Variants in TACR1 observed in about 807,000 individuals in gnomAD.
TACR1 encodes tachykinin receptor 1, also known as substance-P receptor.
TACR1 carries 25 observed loss-of-function variants against 35.8 expected under a neutral mutation model. That is an observed-to-expected ratio of 0.70 (90% CI 0.51 to 0.98). The LOEUF (loss-of-function observed/expected upper bound fraction) is 0.98. TACR1 is among the 50% of genes least tolerant of loss of function. The pLI is 0.00. For synonymous variants in TACR1, 195 were observed against 206.7 expected (o/e 0.94, Z 0.48); for missense variants, 478 against 522.9 (o/e 0.91, Z 0.84).
intron 2 of TACR1, among the ~76,000 whole-genome samples, chr2:75,058,956 T>A (rs1165819829): frequency 5.9e-5 from 9 of 152,218 alleles, no homozygotes; most frequent in African/African-American, 2.2e-4. Flanking sequence ...ATAATGTACT[T>A]GGAGGAGACT....
chr2:75,119,321 C>T (rs528973712), intron 2 of TACR1, among the ~76,000 whole-genome samples: 1 of 152,322 alleles, frequency 6.6e-6, no homozygotes, highest in African/African-American at 2.4e-5. Flanking sequence ...TATTATCTCT[C>T]ATTTTAATAA....
chr2:75,114,424 G>T (rs918697382), intron 2 of TACR1, among the ~76,000 whole-genome samples: 1 of 152,024 alleles, frequency 6.6e-6, no homozygotes, highest in Non-Finnish European at 1.5e-5. Flanking sequence ...GGCCTTGATT[G>T]TGGGTTCTCT....
chr2:75,069,656 G>A (rs1672836116), intron 2 of TACR1, among the ~76,000 whole-genome samples: 1 of 152,148 alleles, frequency 6.6e-6, no homozygotes, highest in Admixed American at 6.5e-5. Flanking sequence ...CAGTTTCTCA[G>A]ACTTTCCTTG....
Position 75,120,595 on chromosome 2 carries a change from G to C in TACR1, c.563C>G (p.Pro188Arg). 1 of 1,604,308 alleles carries C rather than the reference G, an allele frequency of 6.2e-7. No homozygotes were observed. The highest frequency in any genetic ancestry group is 8.5e-7 in the Non-Finnish European group (1 of 1,174,160). ...VVCMIEWPEHPNKIYEKVYHI... is the reference protein window; with the variant it reads ...VVCMIEWPEHRNKIYEKVYHI... ...TCACACTTTCTCATAAATCTTGTTC[G>C]GATGCTCTGGCCATTCGATCATGCA... The change falls in exon 2 of 5, where the codon CCG becomes CGG. Residue 188 changes from proline (P) to arginine (R), a missense_variant. By Grantham distance (103) the Pro-to-Arg change is moderately radical (BLOSUM62 -2). Coordinates refer to ENST00000305249, the MANE Select transcript of TACR1 (RefSeq NM_001058.4).
intron 2 of TACR1, among the ~76,000 whole-genome samples, chr2:75,059,823 T>G (rs1375561569): frequency 1.3e-5 from 2 of 152,184 alleles, no homozygotes; most frequent in Admixed American, 6.5e-5. Flanking sequence ...TTCCTCCTGC[T>G]CTTCCTCAAA....
intron 1 of TACR1, among the ~76,000 whole-genome samples, chr2:75,171,217 T>C (rs1235949659): frequency 2.0e-5 from 3 of 152,212 alleles, no homozygotes; most frequent in Admixed American, 6.5e-5. Flanking sequence ...CAGCTGTGGC[T>C]AAAAGGGGCC....
intron 2 of TACR1, among the ~76,000 whole-genome samples, chr2:75,085,219 G>T (rs951448762): frequency 6.6e-6 from 1 of 152,078 alleles, no homozygotes; most frequent in Admixed American, 6.6e-5. Context: ...AAGTTTGCCT[G>T]TCAGAAGCTG....
intron 2 of TACR1, among the ~76,000 whole-genome samples, chr2:75,107,275 A>G (rs1179360647): frequency 6.6e-6 from 1 of 152,016 alleles, no homozygotes; most frequent in Non-Finnish European, 1.5e-5. Context: ...GACAATTACA[A>G]TGAAAGATTT....
At chr2:75,126,230 T>C (rs1191849903) in intron 1 of TACR1, among the ~76,000 whole-genome samples, 2 of 152,148 alleles carry the variant, frequency 1.3e-5, no homozygotes, top group African/African-American at 4.8e-5. Context: ...ACTCCATTCA[T>C]GTTCCCGTAA....
Position 75,198,776 on chromosome 2 carries a change from C to T in TACR1, c.159G>A (p.Val53=), listed in dbSNP as rs762281386. Residue 53 remains valine (V), a synonymous_variant, in exon 1 of 5, where the codon GTG becomes GTA. Coordinates refer to ENST00000305249, the MANE Select transcript of TACR1 (RefSeq NM_001058.4). ...TTTTGTGGGCTAAGATGATCCACAT[C>T]ACTACCACGTTGCCCACCACAGAGG... is the stretch of plus-strand genomic sequence containing the variant. ...VVTSVVGNVV[V]MWIILAHKRM... is the part of the protein sequence containing the mutation. The T allele has an allele frequency of 5.6e-6, 9 of 1,614,082 alleles. 1 individual carries two copies. In the South Asian group the frequency reaches 6.6e-5, roughly 12 times the overall value.
intron 1 of TACR1, among the ~76,000 whole-genome samples, chr2:75,133,158 A>G (rs1422486676): frequency 6.6e-6 from 1 of 152,184 alleles, no homozygotes; most frequent in Admixed American, 6.5e-5. Context: ...AGTATGTAGA[A>G]TTCCTGCCAT....
chr2:75,070,253 A>T (rs28516941), intron 2 of TACR1, among the ~76,000 whole-genome samples: 1 of 90,670 alleles, frequency 1.1e-5, no homozygotes, highest in South Asian at 3.9e-4. Context: ...GTGTGTGTGT[A>T]TGTGTGTGTG....
At chr2:75,178,326 A>C (rs577998771) in intron 1 of TACR1, among the ~76,000 whole-genome samples, 1 of 151,962 alleles carries the variant, frequency 6.6e-6, no homozygotes. Context: ...CTGGGATTGC[A>C]GGCACCCTCC....
At chr2:75,127,862 A>C (rs1674103854) in intron 1 of TACR1, among the ~76,000 whole-genome samples, 1 of 152,204 alleles carries the variant, frequency 6.6e-6, no homozygotes, top group African/African-American at 2.4e-5. Context: ...ATCAGAACCC[A>C]TCTCTTTCAG....
At chr2:75,137,874 C>G (rs1458203152) in intron 1 of TACR1, among the ~76,000 whole-genome samples, 1 of 151,284 alleles carries the variant, frequency 6.6e-6, no homozygotes, top group Admixed American at 6.6e-5. Context: ...TCTCTATACT[C>G]TTAGATCTTT....
intron 1 of TACR1, among the ~76,000 whole-genome samples, chr2:75,130,408 G>A (rs924185885): frequency 6.6e-6 from 1 of 152,214 alleles, no homozygotes; most frequent in Non-Finnish European, 1.5e-5. Context: ...GCCCCTAACA[G>A]TTTAAGTAAC....
intron 1 of TACR1, among the ~76,000 whole-genome samples, chr2:75,184,561 T>G (rs1300890734): frequency 6.6e-6 from 1 of 151,734 alleles, no homozygotes. Context: ...GAACTTCAAC[T>G]GAATTACAGG....
At chr2:75,093,408 A>G (rs1269478335) in intron 2 of TACR1, among the ~76,000 whole-genome samples, 1 of 152,218 alleles carries the variant, frequency 6.6e-6, no homozygotes, top group Non-Finnish European at 1.5e-5. Context: ...GATTTTCTCC[A>G]TCAGTCAACT....
chr2:75,151,032 G>A (rs1396184654), intron 1 of TACR1, among the ~76,000 whole-genome samples: 1 of 152,208 alleles, frequency 6.6e-6, no homozygotes, highest in African/African-American at 2.4e-5. Context: ...AGGGTATCTG[G>A]CAGAAGAAAT....
Sources: gnomAD v4.1 joint callset for allele counts (sites outside exome capture counted in the v4.1 genomes callset) on GRCh38, gnomAD v4.1.1 for gene constraint, MANE v1.5 for transcripts, NCBI Gene and HGNC (gene_info 2026-07-23, HGNC 2026-07-21) for gene names.